PLD1: variants seen among roughly 807,000 people sequenced by gnomAD.
The protein encoded by PLD1 is choline phosphatase 1.
A neutral mutation model predicts 137.1 loss-of-function variants in PLD1; 112 were observed. The observed-to-expected ratio is 0.82, with a 90% CI of 0.70 to 0.96. The LOEUF (loss-of-function observed/expected upper bound fraction) is 0.96, where lower values mean the gene tolerates loss of function less well. PLD1 is among the 40% of genes least tolerant of loss of function. PLD1 has a pLI of 0.00. For synonymous variants in PLD1, 431 were observed against 454.7 expected, an observed-to-expected ratio of 0.95 and a Z score of 0.66; for missense variants, 1,321 against 1,342.0, an observed-to-expected ratio of 0.98 and a Z score of 0.24.
chr3:171,660,600 T>C (rs570786882), intron 20 of PLD1, among the ~76,000 whole-genome samples: 7 of 150,684 alleles, frequency 4.6e-5, no homozygotes, highest in Non-Finnish European at 2.9e-5. Flanking sequence ...GATTATTTTA[T>C]TTTTTATTTT....
chr3:171,710,862 G>C (rs1022449934), intron 9 of PLD1, among the ~76,000 whole-genome samples: 1 of 131,518 alleles, frequency 7.6e-6, no homozygotes, highest in Non-Finnish European at 1.6e-5. Flanking sequence ...CTAATCATAG[G>C]AAAACTGTTC....
At chr3:171,652,766 A>ATTTTTTTTT (rs1174564536) in intron 21 of PLD1, among the ~76,000 whole-genome samples, 4 of 75,628 alleles carry the variant, frequency 5.3e-5, no homozygotes, top group East Asian at 4.0e-4. Context: ...ACACTCAGCT[A>ATTTTTTTTT]TTTTTTTTTT....
chr3:171,724,870 A>G, intron 7 of PLD1, 82 bp from the exon 8 acceptor site: 1 of 816,462 alleles, frequency 1.2e-6, no homozygotes. Context: ...CATGGGACTA[A>G]ATAAACCATC....
Position 171,602,382 on chromosome 3 carries a change from T to A in PLD1, c.*696A>T, listed in dbSNP as rs1731888856. The A allele has an allele frequency of 6.6e-6, 1 of 152,312 alleles. No individual in the cohort carries two copies. Among genetic ancestry groups the A allele is most frequent in the Admixed American group, 6.5e-5 (1 of 15,278 alleles). 9.4% of individuals were successfully genotyped at this position (152,312 alleles called of 1,614,324 possible). A position where few individuals can be genotyped will look rare whatever the true frequency, so the allele number is the denominator to read the frequency against. On this transcript the variant is annotated 3_prime_UTR_variant, in exon 27 of 27. Transcript: ENST00000351298. ...GCCTTTGGGAGCAAAATGAAATAAATCTCTGTCTCAATATTGGAATTTATT... is the reference window on the plus strand; with the variant it reads ...GCCTTTGGGAGCAAAATGAAATAAAACTCTGTCTCAATATTGGAATTTATT...
At chr3:171,621,061 C>A (rs536792139) in intron 23 of PLD1, among the ~76,000 whole-genome samples, 3 of 152,028 alleles carry the variant, frequency 2.0e-5, no homozygotes, top group African/African-American at 4.8e-5. Context: ...ATTCTGCAGA[C>A]TTTGGGTAAA....
At chr3:171,704,819 C>T (rs893131519) in intron 11 of PLD1, among the ~76,000 whole-genome samples, 5 of 152,182 alleles carry the variant, frequency 3.3e-5, no homozygotes, top group African/African-American at 9.7e-5. Context: ...TCATGGAAGA[C>T]AATTTTTTCC....
chr3:171,783,039 G>C (rs946909242), intron 1 of PLD1, among the ~76,000 whole-genome samples: 4 of 152,164 alleles, frequency 2.6e-5, no homozygotes, highest in Admixed American at 1.3e-4. Context: ...GAATATGGGA[G>C]CTGGGAAACT....
chr3:171,759,796 T>C (rs1169475149), intron 1 of PLD1, among the ~76,000 whole-genome samples: 1 of 152,254 alleles, frequency 6.6e-6, no homozygotes, highest in African/African-American at 2.4e-5. Flanking sequence ...TGCCCAATAT[T>C]CAATTTACAT....
chr3:171,649,119 T>A (rs1377664250), intron 21 of PLD1, among the ~76,000 whole-genome samples: 1 of 152,136 alleles, frequency 6.6e-6, no homozygotes, highest in African/African-American at 2.4e-5. Flanking sequence ...TCTTTTTTTT[T>A]AAGCAAAAAT....
At chr3:171,681,855 T>C (rs1372553171) in intron 16 of PLD1, among the ~76,000 whole-genome samples, 1 of 152,210 alleles carries the variant, frequency 6.6e-6, no homozygotes, top group African/African-American at 2.4e-5. Context: ...ATATTATCCC[T>C]TGTGACGAGA....
intron 19 of PLD1, among the ~76,000 whole-genome samples, chr3:171,666,887 C>T (rs546139451): frequency 1.4e-4 from 22 of 152,286 alleles, no homozygotes; most frequent in South Asian, 4.1e-4. Context: ...CTTCGTGCTA[C>T]GTCTTATTTT....
At chr3:171,715,132 T>A (rs1415189271) in intron 8 of PLD1, among the ~76,000 whole-genome samples, 4 of 152,198 alleles carry the variant, frequency 2.6e-5, no homozygotes, top group Non-Finnish European at 4.4e-5. Context: ...TAAGAGTTCT[T>A]ATAACACTCC....
chr3:171,712,179 C>T (rs1717291294), intron 9 of PLD1, among the ~76,000 whole-genome samples: 1 of 152,166 alleles, frequency 6.6e-6, no homozygotes. Context: ...TGGCTTTTGT[C>T]TGAAAGTCAT....
rs1731830131 is a variant in PLD1, at chr3:171,601,538, T to C, written c.*1540A>G. 6.8e-6 allele frequency: 1 copy of C among 146,028 alleles called. No individual in the cohort carries two copies. The highest frequency in any genetic ancestry group is 1.5e-5 in the Non-Finnish European group (1 of 67,262). 9.0% of individuals were successfully genotyped at this position (146,028 alleles called of 1,614,324 possible). ...TTATTGGTTACAAAATCTCACCTTATTTGTGAAATGTTCCCTAGCTATGAG... is the reference window on the plus strand; with the variant it reads ...TTATTGGTTACAAAATCTCACCTTACTTGTGAAATGTTCCCTAGCTATGAG... On this transcript the variant is annotated 3_prime_UTR_variant, in exon 27 of 27. Coordinates refer to ENST00000351298, the MANE Select transcript of PLD1 (RefSeq NM_002662.5).
At chr3:171,622,214 C>T (rs1273930267) in intron 23 of PLD1, among the ~76,000 whole-genome samples, 1 of 152,164 alleles carries the variant, frequency 6.6e-6, no homozygotes, top group Non-Finnish European at 1.5e-5. Flanking sequence ...TTAAAATTCA[C>T]ATTGAACAAT....
At chr3:171,716,627 A>G (rs1315582489) in intron 8 of PLD1, among the ~76,000 whole-genome samples, 1 of 152,198 alleles carries the variant, frequency 6.6e-6, no homozygotes, top group Non-Finnish European at 1.5e-5. Context: ...AATTCCTTAT[A>G]GATACTGGCT....
chr3:171,716,300 T>C (rs897573796), intron 8 of PLD1, among the ~76,000 whole-genome samples: 1 of 152,224 alleles, frequency 6.6e-6, no homozygotes, highest in Non-Finnish European at 1.5e-5. Context: ...CTTAGTTCTT[T>C]GGGGAATCAT....
At chr3:171,764,437 GT>G (rs1201388828) in intron 1 of PLD1, among the ~76,000 whole-genome samples, 1 of 152,142 alleles carries the variant, frequency 6.6e-6, no homozygotes, top group African/African-American at 2.4e-5. Context: ...AGGCAACGAA[GT>G]TGAGTCTTAG....
At chr3:171,698,427 T>C (rs570530173) in intron 12 of PLD1, among the ~76,000 whole-genome samples, 2 of 152,362 alleles carry the variant, frequency 1.3e-5, no homozygotes, top group South Asian at 4.1e-4. Context: ...ATTATCAATT[T>C]CTTTTGCTTT....
Sources: allele counts gnomAD v4.1 joint callset (sites outside exome capture counted in the v4.1 genomes callset), GRCh38; gene constraint gnomAD v4.1.1; transcripts MANE v1.5; gene names NCBI Gene and HGNC (gene_info 2026-07-23, HGNC 2026-07-21).